The following LDB2 variants were observed in gnomAD, a reference collection of about 807,000 sequenced individuals.
The protein encoded by LDB2 is LIM domain binding 2, also known as LIM domain-binding protein 2.
A neutral mutation model predicts 44.3 loss-of-function variants in LDB2; 12 were observed. That is an observed-to-expected ratio of 0.27 (90% CI 0.17 to 0.44). LDB2 has a LOEUF of 0.44. LDB2 is among the 20% of genes least tolerant of loss of function. The pLI is 1.00. For missense variants in LDB2, 344 were observed against 473.5 expected, an observed-to-expected ratio of 0.73 and a Z score of 2.54; for synonymous variants, 164 against 174.8, an observed-to-expected ratio of 0.94 and a Z score of 0.49.
At chr4:16,629,607 G>C (rs1418771915) in intron 2 of LDB2, among the ~76,000 whole-genome samples, 1 of 151,954 alleles carries the variant, frequency 6.6e-6, no homozygotes, top group African/African-American at 2.4e-5. Flanking sequence ...AACAGAAGTA[G>C]GCTTCAGAAG....
chr4:16,625,564 C>T (rs1414067326), intron 2 of LDB2, among the ~76,000 whole-genome samples: 1 of 152,138 alleles, frequency 6.6e-6, no homozygotes, highest in Non-Finnish European at 1.5e-5. Context: ...CACCTAAAAG[C>T]CCGGATGGCC....
At chr4:16,639,203 G>C (rs1049552386) in intron 2 of LDB2, among the ~76,000 whole-genome samples, 1 of 152,136 alleles carries the variant, frequency 6.6e-6, no homozygotes, top group Admixed American at 6.5e-5. Context: ...AAATGTTTCT[G>C]ATGTTGTCTG....
chr4:16,636,681 G>A (rs1378245401), intron 2 of LDB2, among the ~76,000 whole-genome samples: 1 of 152,188 alleles, frequency 6.6e-6, no homozygotes, highest in African/African-American at 2.4e-5. Flanking sequence ...CTAAGGGAAT[G>A]TGGGGGTGGG....
At chr4:16,872,733 C>T (rs1717076789) in intron 1 of LDB2, among the ~76,000 whole-genome samples, 1 of 152,076 alleles carries the variant, frequency 6.6e-6, no homozygotes, top group Non-Finnish European at 1.5e-5. Flanking sequence ...ATAATATTTG[C>T]AAATAGTTTA....
chr4:16,521,732 T>C (rs1218568986), intron 5 of LDB2, among the ~76,000 whole-genome samples: 4 of 152,200 alleles, frequency 2.6e-5, no homozygotes, highest in African/African-American at 7.2e-5. Flanking sequence ...GGAGTGGCAA[T>C]TGCTAATCTT....
At chr4:16,696,182 A>G (rs1189134268) in intron 2 of LDB2, among the ~76,000 whole-genome samples, 1 of 152,200 alleles carries the variant, frequency 6.6e-6, no homozygotes, top group Non-Finnish European at 1.5e-5. Context: ...GAAGGAATGT[A>G]AAGCAATTTT....
intron 5 of LDB2, among the ~76,000 whole-genome samples, chr4:16,541,921 G>A: frequency 6.6e-6 from 1 of 152,112 alleles, no homozygotes; most frequent in East Asian, 1.9e-4. Flanking sequence ...AATGCACCTA[G>A]TTAGGTTTGC....
intron 5 of LDB2, among the ~76,000 whole-genome samples, chr4:16,558,750 C>T (rs945299485): frequency 6.6e-6 from 1 of 152,024 alleles, no homozygotes; most frequent in Non-Finnish European, 1.5e-5. Context: ...CTCCAAGACA[C>T]ATAATTGTCA....
At chr4:16,780,109 G>A (rs929703202) in intron 1 of LDB2, among the ~76,000 whole-genome samples, 3 of 152,100 alleles carry the variant, frequency 2.0e-5, no homozygotes, top group African/African-American at 7.2e-5. Flanking sequence ...TTTAGAGCAG[G>A]TGACAAACAA....
intron 1 of LDB2, among the ~76,000 whole-genome samples, chr4:16,769,749 C>T (rs182570914): frequency 1.5e-4 from 23 of 152,174 alleles, no homozygotes; most frequent in Admixed American, 1.1e-3. Context: ...AATTATAAAA[C>T]GGCATACTAC....
intron 2 of LDB2, among the ~76,000 whole-genome samples, chr4:16,672,867 CTCTT>C (rs771095735): frequency 3.8e-4 from 56 of 145,864 alleles, no homozygotes; most frequent in Non-Finnish European, 7.5e-4. Flanking sequence ...CTCCCTCCCT[CTCTT>C]TCTTCCTTCC....
chr4:16,840,566 G>A (rs1785694934), intron 1 of LDB2, among the ~76,000 whole-genome samples: 1 of 152,136 alleles, frequency 6.6e-6, no homozygotes, highest in Admixed American at 6.5e-5. Flanking sequence ...GAAGTCGTTT[G>A]GGATCACTTG....
chr4:16,524,362 C>G (rs931846247), intron 5 of LDB2, among the ~76,000 whole-genome samples: 7 of 152,050 alleles, frequency 4.6e-5, no homozygotes, highest in Non-Finnish European at 1.0e-4. Flanking sequence ...GGAAGGGCTG[C>G]CTGAGGAATC....
At chr4:16,837,909 A>G (rs1353946895) in intron 1 of LDB2, among the ~76,000 whole-genome samples, 2 of 152,256 alleles carry the variant, frequency 1.3e-5, no homozygotes, top group Non-Finnish European at 2.9e-5. Flanking sequence ...CACACAGGGA[A>G]GGCGCTTGGT....
chr4:16,784,637 T>C (rs886910650), intron 1 of LDB2, among the ~76,000 whole-genome samples: 1 of 152,196 alleles, frequency 6.6e-6, no homozygotes, highest in African/African-American at 2.4e-5. Context: ...CTGCTCACTT[T>C]ATCAAGTCAT....
chr4:16,834,032 C>T (rs1387150289), intron 1 of LDB2, among the ~76,000 whole-genome samples: 1 of 152,232 alleles, frequency 6.6e-6, no homozygotes, highest in African/African-American at 2.4e-5. Context: ...GAAATCATTT[C>T]TGGCCATTCT....
chr4:16,652,028 G>A (rs796313580), intron 2 of LDB2, among the ~76,000 whole-genome samples: 15 of 152,192 alleles, frequency 9.9e-5, no homozygotes, highest in African/African-American at 3.6e-4. Flanking sequence ...ATAGTGCACT[G>A]TAACCTGGAA....
chr4:16,578,452 G>A (rs577150434), intron 5 of LDB2, among the ~76,000 whole-genome samples: 1 of 152,064 alleles, frequency 6.6e-6, no homozygotes, highest in Non-Finnish European at 1.5e-5. Flanking sequence ...TATATGAAAA[G>A]GTGCTCAACA....
intron 2 of LDB2, among the ~76,000 whole-genome samples, chr4:16,722,643 A>G (rs762460125): frequency 1.4e-4 from 21 of 152,064 alleles, no homozygotes; most frequent in Non-Finnish European, 2.8e-4. Context: ...CTCGGCACTC[A>G]CCATACTGTC....
Sources: gnomAD v4.1 joint callset for allele counts (sites outside exome capture counted in the v4.1 genomes callset) on GRCh38, gnomAD v4.1.1 for gene constraint, MANE v1.5 for transcripts, NCBI Gene and HGNC (gene_info 2026-07-23, HGNC 2026-07-21) for gene names.